The following SESN1 variants were observed in gnomAD, a reference collection of about 807,000 sequenced individuals.
SESN1 encodes the protein sestrin-1.
Under a neutral mutation model 59.3 loss-of-function variants are expected in SESN1, and 30 were observed. The ratio of observed to expected loss-of-function variants is 0.51; its 90% CI spans 0.38 to 0.69. The LOEUF (loss-of-function observed/expected upper bound fraction) is 0.69. Ranked by LOEUF, SESN1 falls within the 30% of genes least tolerant of loss-of-function variation. The pLI is 0.00. For missense variants in SESN1, 566 were observed against 673.0 expected, an observed-to-expected ratio of 0.84 and a Z score of 1.76; for synonymous variants, 197 against 219.9, an observed-to-expected ratio of 0.90 and a Z score of 0.92.
chr6:109,072,294 G>A (rs1264780376), intron 1 of SESN1, among the ~76,000 whole-genome samples: 1 of 152,128 alleles, frequency 6.6e-6, no homozygotes, highest in East Asian at 1.9e-4. Context: ...TCAATGATAG[G>A]TTATCTATGT....
At chr6:109,000,797 A>G in intron 3 of SESN1, 124 bp from the exon 4 acceptor site, 1 of 724,038 alleles carries the variant, frequency 1.4e-6, no homozygotes, top group Non-Finnish European at 2.0e-6. Flanking sequence ...TCCGTAAACT[A>G]CAGAAATGCA....
At chr6:109,070,655 C>A (rs1194622434) in intron 1 of SESN1, among the ~76,000 whole-genome samples, 5 of 152,224 alleles carry the variant, frequency 3.3e-5, no homozygotes, top group African/African-American at 1.2e-4. Context: ...GTTTCTAATA[C>A]AAGTTAATCA....
intron 6 of SESN1, among the ~76,000 whole-genome samples, chr6:108,993,744 TTTG>T (rs1460124728): frequency 5.9e-5 from 9 of 152,134 alleles, no homozygotes; most frequent in East Asian, 3.9e-4. Context: ...TCATATAATT[TTTG>T]TTGTTGTTTT....
intron 1 of SESN1, among the ~76,000 whole-genome samples, chr6:109,062,665 C>T (rs1402444937): frequency 2.6e-5 from 4 of 152,138 alleles, no homozygotes; most frequent in Admixed American, 6.5e-5. Context: ...ACAGTAGTCC[C>T]CTGGTATCTG....
At chr6:109,087,052 A>G (rs1216966824) in intron 1 of SESN1, among the ~76,000 whole-genome samples, 1 of 152,026 alleles carries the variant, frequency 6.6e-6, no homozygotes, top group Non-Finnish European at 1.5e-5. Flanking sequence ...GAATTGCTTG[A>G]CCCGGGAGGC....
intron 1 of SESN1, among the ~76,000 whole-genome samples, chr6:109,074,881 G>C (rs1049292067): frequency 6.6e-6 from 1 of 152,166 alleles, no homozygotes; most frequent in African/African-American, 2.4e-5. Context: ...ACCAAGAATG[G>C]GAAGTAAAAC....
intron 1 of SESN1, among the ~76,000 whole-genome samples, chr6:109,021,230 G>A (rs1452747714): frequency 1.3e-5 from 2 of 152,100 alleles, no homozygotes; most frequent in Non-Finnish European, 2.9e-5. Flanking sequence ...GTGAACTCCC[G>A]CCTCAGCCTC....
At chr6:109,086,385 A>G (rs1781213863) in intron 1 of SESN1, among the ~76,000 whole-genome samples, 1 of 152,164 alleles carries the variant, frequency 6.6e-6, no homozygotes, top group Admixed American at 6.6e-5. Context: ...TATACCCAAG[A>G]TTCCACAGCT....
chr6:109,009,124 G>A (rs1779800822), intron 1 of SESN1: 1 of 705,100 alleles, frequency 1.4e-6, no homozygotes, highest in Non-Finnish European at 2.0e-6. Flanking sequence ...TCTGCCCAGG[G>A]ACGACTCACG....
intron 1 of SESN1, among the ~76,000 whole-genome samples, chr6:109,046,339 C>T (rs1714996244): frequency 6.6e-6 from 1 of 151,876 alleles, no homozygotes; most frequent in African/African-American, 2.4e-5. Context: ...CCAGCCTTGG[C>T]CTCCCGAGGT....
intron 1 of SESN1, among the ~76,000 whole-genome samples, chr6:109,074,849 C>T (rs1040058318): frequency 2.0e-5 from 3 of 152,194 alleles, no homozygotes; most frequent in African/African-American, 2.4e-5. Flanking sequence ...ACCTTTTGGA[C>T]AAATGCTGTT....
chr6:109,045,965 G>A (rs1780424995), intron 1 of SESN1, among the ~76,000 whole-genome samples: 1 of 152,156 alleles, frequency 6.6e-6, no homozygotes, highest in African/African-American at 2.4e-5. Flanking sequence ...GCTGAAAAAA[G>A]CGTATTCTGT....
rs1374430594 is a variant in SESN1 at position 109,093,854 on chromosome 6, TAGAA to T, written c.216_219del (p.Ser73ArgfsTer8). On this transcript the variant is annotated frameshift_variant, in exon 1 of 10. Transcript: ENST00000436639. LOFTEE classifies it high-confidence loss of function. ...CTCACATCTTTGAAGGGACACCTCT[TAGAA>T]AGCATAAGCAGATGAGCAAGTAGCT... The T allele has an allele frequency of 6.2e-7, 1 of 1,614,220 alleles. No homozygotes were observed. Among genetic ancestry groups the T allele is most frequent in the Non-Finnish European group, 8.5e-7 (1 of 1,180,042 alleles).
chr6:108,989,649 A>G (rs910254779), intron 8 of SESN1, among the ~76,000 whole-genome samples: 10 of 151,350 alleles, frequency 6.6e-5, no homozygotes, highest in African/African-American at 2.2e-4. Flanking sequence ...AAATAAATAA[A>G]ATAAAAATAA....
At chr6:109,064,228 T>G (rs1780778515) in intron 1 of SESN1, among the ~76,000 whole-genome samples, 1 of 151,978 alleles carries the variant, frequency 6.6e-6, no homozygotes, top group Non-Finnish European at 1.5e-5. Flanking sequence ...ATTCAAATCC[T>G]CAAACAGCTA....
At chr6:109,051,786 G>A (rs886089582) in intron 1 of SESN1, among the ~76,000 whole-genome samples, 1 of 152,214 alleles carries the variant, frequency 6.6e-6, no homozygotes, top group Non-Finnish European at 1.5e-5. Flanking sequence ...CCAGGGTCAA[G>A]ATGCTGGCAT....
intron 1 of SESN1, among the ~76,000 whole-genome samples, chr6:109,054,052 A>G (rs914251783): frequency 6.6e-6 from 1 of 152,006 alleles, no homozygotes; most frequent in Non-Finnish European, 1.5e-5. Flanking sequence ...TATTGTTGGC[A>G]AGACATTTCT....
chr6:109,025,448 T>C (rs1780076944), intron 1 of SESN1, among the ~76,000 whole-genome samples: 1 of 151,196 alleles, frequency 6.6e-6, no homozygotes, highest in African/African-American at 2.4e-5. Flanking sequence ...AAAAGTACTA[T>C]GCAAAAAGAT....
chr6:109,003,758 T>C (rs1779674037), intron 1 of SESN1, among the ~76,000 whole-genome samples: 1 of 152,206 alleles, frequency 6.6e-6, no homozygotes, highest in African/African-American at 2.4e-5. Flanking sequence ...TGTTATTCAA[T>C]ATATAATTTT....
Sources: gnomAD v4.1 joint callset for allele counts (sites outside exome capture counted in the v4.1 genomes callset) on GRCh38, gnomAD v4.1.1 for gene constraint, MANE v1.5 for transcripts, NCBI Gene and HGNC (gene_info 2026-07-23, HGNC 2026-07-21) for gene names.